GAB1: variants seen among roughly 807,000 people sequenced by gnomAD.
The protein encoded by GAB1 is GRB2-associated-binding protein 1.
GAB1 carries 19 observed loss-of-function variants against 66.5 expected under a neutral mutation model. The ratio of observed to expected loss-of-function variants is 0.29; its 90% confidence interval spans 0.20 to 0.42. The LOEUF is 0.42. Ranked by LOEUF, GAB1 falls within the 10% of genes least tolerant of loss-of-function variation. The pLI, the probability that GAB1 is intolerant of heterozygous loss-of-function variation, is 1.00. For synonymous variants in GAB1, 294 were observed against 301.4 expected, an observed-to-expected ratio of 0.98 and a Z score of 0.25; for missense variants, 732 against 858.5, an observed-to-expected ratio of 0.85 and a Z score of 1.84.
At chr4:143,423,491 A>C (rs1471392821) in intron 2 of GAB1, among the ~76,000 whole-genome samples, 1 of 151,988 alleles carries the variant, frequency 6.6e-6, no homozygotes, top group Non-Finnish European at 1.5e-5. Context: ...AGGTCAGGAG[A>C]TCGAGACCAT....
intron 1 of GAB1, among the ~76,000 whole-genome samples, chr4:143,352,929 A>G (rs183951758): frequency 6.8e-4 from 104 of 152,352 alleles, no homozygotes; most frequent in African/African-American, 2.4e-3. Flanking sequence ...CAAAGACGAC[A>G]TATTGAGAGG....
chr4:143,384,446 G>A (rs1437239767), intron 1 of GAB1, among the ~76,000 whole-genome samples: 1 of 152,166 alleles, frequency 6.6e-6, no homozygotes, highest in East Asian at 1.9e-4. Context: ...GTAAGTTGGT[G>A]CTATTGGCTG....
intron 2 of GAB1, among the ~76,000 whole-genome samples, chr4:143,430,678 A>G (rs890140602): frequency 3.3e-5 from 5 of 152,264 alleles, no homozygotes; most frequent in Non-Finnish European, 5.9e-5. Context: ...TTGAAAAAGC[A>G]GAAACCTTTT....
chr4:143,341,880 G>A (rs1728834886), intron 1 of GAB1, among the ~76,000 whole-genome samples: 1 of 152,108 alleles, frequency 6.6e-6, no homozygotes, highest in African/African-American at 2.4e-5. Context: ...ACAACAAAGA[G>A]GACTGTCATG....
intron 1 of GAB1, among the ~76,000 whole-genome samples, chr4:143,354,144 C>T (rs1213572641): frequency 6.6e-6 from 1 of 152,186 alleles, no homozygotes; most frequent in Admixed American, 6.5e-5. Context: ...GACTTGTACC[C>T]TGCACTTTGA....
At chr4:143,381,700 G>A (rs1248766566) in intron 1 of GAB1, among the ~76,000 whole-genome samples, 1 of 152,150 alleles carries the variant, frequency 6.6e-6, no homozygotes, top group African/African-American at 2.4e-5. Context: ...AGTGAAGACC[G>A]TTTTTTAAAA....
chr4:143,358,211 T>C (rs1729525517), intron 1 of GAB1, among the ~76,000 whole-genome samples: 1 of 152,192 alleles, frequency 6.6e-6, no homozygotes, highest in South Asian at 2.1e-4. Flanking sequence ...GATTTACATG[T>C]AATTTTGTCA....
intron 4 of GAB1, among the ~76,000 whole-genome samples, chr4:143,439,429 C>G (rs1043990706): frequency 2.0e-5 from 3 of 152,146 alleles, no homozygotes; most frequent in African/African-American, 7.2e-5. Context: ...GTATCTAACT[C>G]CTTTCTTGAA....
In GAB1 at chr4:143,424,879, A is replaced by C. The variant is rs1355390181; in HGVS notation, c.368-8612A>C. 3 of 466,244 alleles carry C rather than the reference A, an allele frequency of 6.4e-6. 1 individual carries two copies. The highest frequency in any genetic ancestry group is 6.0e-5 in the African/African-American group (3 of 50,198). 28.9% of individuals were successfully genotyped at this position (466,244 alleles called of 1,614,324 possible). On this transcript the variant is annotated intron_variant, in intron 2 of 9. Coordinates refer to ENST00000262994, the MANE Select transcript of GAB1 (RefSeq NM_002039.4). ...CTGAGGCAGGAGAATCACTTGAACC[A>C]GGGAGTTGGAGGTTGCAGTGAGCCA...
At chr4:143,465,747 A>G (rs1489772512) in intron 8 of GAB1, among the ~76,000 whole-genome samples, 1 of 152,212 alleles carries the variant, frequency 6.6e-6, no homozygotes, top group Non-Finnish European at 1.5e-5. Context: ...AAACGTAGAA[A>G]GTTTTTTTAA....
intron 1 of GAB1, among the ~76,000 whole-genome samples, chr4:143,341,400 T>C (rs1728819359): frequency 6.6e-6 from 1 of 152,236 alleles, no homozygotes; most frequent in African/African-American, 2.4e-5. Flanking sequence ...AAATAAAGTA[T>C]TGTTTCAAGA....
intron 1 of GAB1, among the ~76,000 whole-genome samples, chr4:143,396,541 T>G (rs1731465247): frequency 6.6e-6 from 1 of 152,098 alleles, no homozygotes; most frequent in Non-Finnish European, 1.5e-5. Context: ...GACTGGAATA[T>G]GTGGTGCCAC....
chr4:143,432,280 C>T (rs1733698930), intron 2 of GAB1, among the ~76,000 whole-genome samples: 1 of 152,176 alleles, frequency 6.6e-6, no homozygotes, highest in Non-Finnish European at 1.5e-5. Context: ...GACAAAAAGG[C>T]TTAGAAATGA....
At chr4:143,449,890 G>A (rs1734816233) in intron 6 of GAB1, among the ~76,000 whole-genome samples, 1 of 151,708 alleles carries the variant, frequency 6.6e-6, no homozygotes, top group East Asian at 1.9e-4. Flanking sequence ...TAGTCTCGGT[G>A]GTGTTTACAT....
chr4:143,374,682 G>A (rs1006857858), intron 1 of GAB1, among the ~76,000 whole-genome samples: 1 of 152,154 alleles, frequency 6.6e-6, no homozygotes, highest in Non-Finnish European at 1.5e-5. Flanking sequence ...CTTCTGAAGT[G>A]CTGCCATACA....
In GAB1 at chr4:143,434,961, C is replaced by T. The variant is rs28925900; in HGVS notation, c.593+1245C>T. Among the ~76,000 whole-genome samples the T allele has an allele frequency of 7.0e-3, 1,069 of 152,210 alleles. 12 individuals carry two copies. The highest frequency in any genetic ancestry group is 0.01 in the Non-Finnish European group (709 of 68,020). Reference sequence around the variant, plus strand: ...AGTAGCTATGTGACAATTAGTGATACCAGTCAACTGAGTACATTTTATTTA... The same window carrying T: ...AGTAGCTATGTGACAATTAGTGATATCAGTCAACTGAGTACATTTTATTTA... On this transcript the variant is annotated intron_variant, in intron 3 of 9. Coordinates refer to ENST00000262994, the MANE Select transcript of GAB1 (RefSeq NM_002039.4).
intron 3 of GAB1, chr4:143,434,137 G>C (rs139323761): frequency 0.022 from 28,222 of 1,289,718 alleles, 371 homozygotes; most frequent in Non-Finnish European, 0.026. Flanking sequence ...CCTTCTACTA[G>C]AAGATTTTGA....
intron 1 of GAB1, among the ~76,000 whole-genome samples, chr4:143,372,980 A>G (rs1394756682): frequency 6.6e-6 from 1 of 151,830 alleles, no homozygotes. Context: ...TTATTAGACT[A>G]TTTCTTCCCT....
intron 1 of GAB1, among the ~76,000 whole-genome samples, chr4:143,414,666 C>T (rs552238711): frequency 6.6e-6 from 1 of 151,862 alleles, no homozygotes; most frequent in Non-Finnish European, 1.5e-5. Flanking sequence ...CTCCTTGCCA[C>T]CGCACCTAAA....
Sources: allele counts gnomAD v4.1 joint callset (sites outside exome capture counted in the v4.1 genomes callset), GRCh38; gene constraint gnomAD v4.1.1; transcripts MANE v1.5; gene names NCBI Gene and HGNC (gene_info 2026-07-23, HGNC 2026-07-21).